Variants in AGAP1 observed in about 807,000 individuals in gnomAD.
The protein encoded by AGAP1 is arf-GAP with GTPase, ANK repeat and PH domain-containing protein 1.
Under a neutral mutation model 105.3 loss-of-function variants are expected in AGAP1, and 29 were observed. The observed-to-expected ratio is 0.28, with a 90% CI of 0.21 to 0.38. AGAP1 has a LOEUF of 0.38. Ranked by LOEUF, AGAP1 falls within the 10% of genes least tolerant of loss-of-function variation. The pLI is 1.00. For missense variants in AGAP1, 998 were observed against 1,165.1 expected (o/e 0.86, Z 2.09); for synonymous variants, 509 against 485.9 (o/e 1.05, Z -0.63).
At position 236,128,102 on chromosome 2, in the gene AGAP1, C is replaced by T. The variant is rs2060031554; in HGVS notation, c.*3980C>T. 6.6e-6 allele frequency: 1 copy of T among 151,116 alleles called. No homozygotes were observed. The highest frequency in any genetic ancestry group is 1.5e-5 in the Non-Finnish European group (1 of 67,908). 9.4% of individuals were successfully genotyped at this position (151,116 alleles called of 1,614,324 possible). Reference sequence around the variant, plus strand: ...CCCCCCCCCCCAGTAGAGCCCAGGACCCTCCTCTCTCAGCTTGCCAGTGCC... The same window carrying T: ...CCCCCCCCCCCAGTAGAGCCCAGGATCCTCCTCTCTCAGCTTGCCAGTGCC... On this transcript the variant is annotated 3_prime_UTR_variant, in exon 18 of 18. Transcript: ENST00000304032. The surrounding 1 kb of genome is among the most constrained non-coding windows in gnomAD (Gnocchi z 5.9).
intron 3 of AGAP1, among the ~76,000 whole-genome samples, chr2:235,718,616 C>G (rs138187530): frequency 6.6e-6 from 1 of 152,196 alleles, no homozygotes; most frequent in African/African-American, 2.4e-5. Flanking sequence ...AACACCTGTC[C>G]TAGCATTTAA....
intron 1 of AGAP1, among the ~76,000 whole-genome samples, chr2:235,509,687 G>A (rs1053777296): frequency 3.3e-5 from 5 of 151,966 alleles, no homozygotes; most frequent in Admixed American, 2.6e-4. Flanking sequence ...ACCTCTGTCC[G>A]TCTGCTTGCA....
rs200516152 is a variant in AGAP1 at position 235,819,122 on chromosome 2, T to C, written c.1050+11791T>C. 9.0e-4 allele frequency among the ~76,000 whole-genome samples: 137 copies of C among 151,500 alleles called. No homozygotes were observed. In the East Asian group the frequency reaches 0.011, roughly 12 times the overall value. Reference sequence around the variant, plus strand: ...TATTTCTTTTCTTTTCTTTTCTTTTTTTTTTTTTTGGAGACAGAGTCTACT... The same window carrying C: ...TATTTCTTTTCTTTTCTTTTCTTTTCTTTTTTTTTGGAGACAGAGTCTACT... On this transcript the variant is annotated intron_variant, in intron 9 of 17. Coordinates refer to ENST00000304032, the MANE Select transcript of AGAP1 (RefSeq NM_001037131.3).
chr2:235,993,929 CT>C lies in AGAP1; in HGVS notation c.1645+25307del, dbSNP rs1222759260. ...AAGTCTGTGAGCAAATGGGATTTTA[CT>C]AATATGAAAACCCAGAACATTCCAG... On this transcript the variant is annotated intron_variant, in intron 13 of 17. Transcript: ENST00000304032. The surrounding 1 kb of genome is among the most constrained non-coding windows in gnomAD (Gnocchi z 5.0). Among the ~76,000 whole-genome samples the C allele has an allele frequency of 6.6e-6, 1 of 152,122 alleles. No individual in the cohort carries two copies. Among genetic ancestry groups the C allele is most frequent in the Non-Finnish European group, 1.5e-5 (1 of 68,024 alleles).
At chr2:235,548,400 C>A (rs999446833) in intron 1 of AGAP1, among the ~76,000 whole-genome samples, 1 of 152,212 alleles carries the variant, frequency 6.6e-6, no homozygotes, top group African/African-American at 2.4e-5. Flanking sequence ...TGGCTCACAC[C>A]TGTAATCCCA....
At chr2:235,942,389 C>A (rs1222825596) in intron 12 of AGAP1, among the ~76,000 whole-genome samples, 1 of 152,084 alleles carries the variant, frequency 6.6e-6, no homozygotes, top group Non-Finnish European at 1.5e-5. Flanking sequence ...CATTAACTTA[C>A]ATTTTAGGCT....
intron 1 of AGAP1, among the ~76,000 whole-genome samples, chr2:235,706,311 G>A (rs1160004849): frequency 6.6e-6 from 1 of 152,112 alleles, no homozygotes; most frequent in African/African-American, 2.4e-5. Context: ...TGCAACCTCC[G>A]CCTCCTGGGT....
rs2149272455 is a variant in AGAP1 at position 235,622,273 on chromosome 2, T to C, written c.164-86906T>C. 6.6e-6 allele frequency among the ~76,000 whole-genome samples: 1 copy of C among 152,342 alleles called. No individual in the cohort carries two copies. The highest frequency in any genetic ancestry group is 1.5e-5 in the Non-Finnish European group (1 of 68,020). ...GTCATAGTCACACCAGCCCTCCTGCTGGCTTTGTAGAATGCTCACAGTGGA... is the reference window on the plus strand; with the variant it reads ...GTCATAGTCACACCAGCCCTCCTGCCGGCTTTGTAGAATGCTCACAGTGGA... On this transcript the variant is annotated intron_variant, in intron 1 of 17. Transcript: ENST00000304032. This position sits in a 1 kb window ranked among gnomAD's most constrained non-coding sequence, Gnocchi z 5.0.
intron 1 of AGAP1, among the ~76,000 whole-genome samples, chr2:235,523,971 G>C (rs949026749): frequency 2.6e-5 from 4 of 152,062 alleles, no homozygotes; most frequent in African/African-American, 9.7e-5. Flanking sequence ...CGGTGGCCTT[G>C]GGTTGAATGG....
In AGAP1 at chr2:235,596,582, G is replaced by GGTTCCT. The variant is rs1220174760; in HGVS notation, c.163+101735_163+101740dup. Among the ~76,000 whole-genome samples the GGTTCCT allele has an allele frequency of 1.3e-5, 2 of 152,198 alleles. No individual in the cohort carries two copies. The highest frequency in any genetic ancestry group is 2.9e-5 in the Non-Finnish European group (2 of 68,042). The stretch of plus-strand genomic sequence containing the variant: ...GGCAGAGTTGGAGAGACCCTTCCCG[G>GGTTCCT]GTTCCTGGTTGCAGGTGCTGTGTCA... On this transcript the variant is annotated intron_variant, in intron 1 of 17. Transcript: ENST00000304032. This position sits in a 1 kb window ranked among gnomAD's most constrained non-coding sequence, Gnocchi z 5.9.
chr2:235,685,053 T>C (rs550746292), intron 1 of AGAP1, among the ~76,000 whole-genome samples: 1 of 152,108 alleles, frequency 6.6e-6, no homozygotes, highest in Admixed American at 6.5e-5. Flanking sequence ...GTCAGGGGTG[T>C]GCAGGTTCTG....
rs1260409736 is a variant in AGAP1, at chr2:236,002,730, T to C, written c.1646-33831T>C. The stretch of plus-strand genomic sequence containing the variant: ...GTGAGAGTCCCCCTGAAAAGCGAGA[T>C]TTCATAGAAGTATTGAATTTTACCA... On this transcript the variant is annotated intron_variant, in intron 13 of 17. Coordinates refer to ENST00000304032, the MANE Select transcript of AGAP1 (RefSeq NM_001037131.3). The surrounding 1 kb of genome is among the most constrained non-coding windows in gnomAD (Gnocchi z 4.3). Among the ~76,000 whole-genome samples, 2 of 152,094 alleles carry C rather than the reference T, an allele frequency of 1.3e-5. No individual in the cohort carries two copies. Among genetic ancestry groups the C allele is most frequent in the Non-Finnish European group, 2.9e-5 (2 of 68,022 alleles).
chr2:235,650,670 T>C (rs916249417), intron 1 of AGAP1, among the ~76,000 whole-genome samples: 1 of 152,132 alleles, frequency 6.6e-6, no homozygotes, highest in African/African-American at 2.4e-5. Context: ...CCTTGGCAAA[T>C]AGGGCACAGA....
In AGAP1 at chr2:235,788,666, G is replaced by A. The variant is rs1344432565; in HGVS notation, c.674-9093G>A. On this transcript the variant is annotated intron_variant, in intron 6 of 17. Transcript: ENST00000304032. The surrounding 1 kb of genome is among the most constrained non-coding windows in gnomAD (Gnocchi z 6.0). The stretch of plus-strand genomic sequence containing the variant: ...TGGTGGGCGTCCTGTTGGTGCATGG[G>A]GCAGACTGAAGCCTGAGACATGACC... Among the ~76,000 whole-genome samples the A allele has an allele frequency of 2.0e-5, 3 of 152,254 alleles. No homozygotes were observed. The highest frequency in any genetic ancestry group is 2.1e-4 in the South Asian group (1 of 4,824).
At chr2:235,926,373 A>G (rs943902319) in intron 11 of AGAP1, among the ~76,000 whole-genome samples, 2 of 152,222 alleles carry the variant, frequency 1.3e-5, no homozygotes, top group African/African-American at 4.8e-5. Flanking sequence ...CTGCTGACAC[A>G]TGGCACGAGA....
chr2:235,714,420 A>G lies in AGAP1; in HGVS notation c.223-3137A>G, dbSNP rs749255040. ...TTGAAGGCTTGTCAGAGGAGGTGACATCTGAACTGATAGTAAGAGTAGGTT... is the reference window on the plus strand; with the variant it reads ...TTGAAGGCTTGTCAGAGGAGGTGACGTCTGAACTGATAGTAAGAGTAGGTT... On this transcript the variant is annotated intron_variant, in intron 2 of 17. Transcript: ENST00000304032. The surrounding 1 kb of genome is among the most constrained non-coding windows in gnomAD (Gnocchi z 4.1). 3.3e-5 allele frequency among the ~76,000 whole-genome samples: 5 copies of G among 152,050 alleles called. No individual in the cohort carries two copies. The highest frequency in any genetic ancestry group is 7.4e-5 in the Non-Finnish European group (5 of 68,012).
chr2:235,661,631 C>T (rs1051943730), intron 1 of AGAP1, among the ~76,000 whole-genome samples: 1 of 152,152 alleles, frequency 6.6e-6, no homozygotes, highest in Admixed American at 6.5e-5. Context: ...TCGTGCTAGC[C>T]TGAATCTCCG....
At chr2:235,966,441 C>T (rs2054402090) in intron 12 of AGAP1, among the ~76,000 whole-genome samples, 1 of 152,064 alleles carries the variant, frequency 6.6e-6, no homozygotes, top group South Asian at 2.1e-4. Context: ...AGCCAGATTT[C>T]TGCCATTGAT....
intron 16 of AGAP1, among the ~76,000 whole-genome samples, chr2:236,103,322 C>G (rs1397508745): frequency 1.3e-5 from 2 of 152,276 alleles, no homozygotes; most frequent in South Asian, 2.1e-4. Context: ...CCATTGGTCA[C>G]AAGCCCTGAG....
Sources: allele counts gnomAD v4.1 joint callset (sites outside exome capture counted in the v4.1 genomes callset), GRCh38; gene constraint gnomAD v4.1.1; non-coding constraint Gnocchi (gnomAD v3.1); transcripts MANE v1.5; gene names NCBI Gene and HGNC (gene_info 2026-07-23, HGNC 2026-07-21).